ZNF85: variants seen among roughly 807,000 people sequenced by gnomAD.
ZNF85 encodes zinc finger protein 85 (HPF4, HTF1).
A neutral mutation model predicts 53.9 loss-of-function variants in ZNF85; 50 were observed. That is an observed-to-expected ratio of 0.93 (90% CI 0.74 to 1.17). The LOEUF is 1.17. ZNF85 is among the 50% of genes most tolerant of loss of function. The probability of loss-of-function intolerance (pLI) is 0.00; values close to 1 mark genes in which losing one functional copy is unlikely to be tolerated. For missense variants in ZNF85, 747 were observed against 688.5 expected (o/e 1.08, Z -0.95); for synonymous variants, 225 against 226.1 (o/e 1.00, Z 0.04).
At chr19:20,937,426 T>G (rs1973186275) in intron 3 of ZNF85, 2 of 449,348 alleles carry the variant, frequency 4.5e-6, no homozygotes, top group African/African-American at 2.0e-5. Context: ...TGCAGAGGAA[T>G]TGTAGCTTGA....
intron 1 of ZNF85, among the ~76,000 whole-genome samples, chr19:20,932,241 GCAAAACATGTCTCAGAT>G (rs1973040486): frequency 6.6e-6 from 1 of 152,132 alleles, no homozygotes; most frequent in Admixed American, 6.5e-5. Context: ...TTTTTTTAAA[GCAAAACATGTCTCAGAT>G]CAAGAGCTGT....
chr19:20,950,135 G>A lies in ZNF85; in HGVS notation c.1621G>A (p.Glu541Lys). The stretch of plus-strand genomic sequence containing the variant: ...TACTGGAGAGAAACCCTACACATGT[G>A]AAGAATGTGGCAAAGCCTTTAACCA... ...IHTGEKPYTC[E>K]ECGKAFNQSS... Residue 541 changes from glutamate (E) to lysine (K), a missense_variant, in exon 4 of 4, where the codon GAA becomes AAA. By Grantham distance (56) the Glu-to-Lys change is moderately conservative. Coordinates refer to ENST00000328178, the MANE Select transcript of ZNF85 (RefSeq NM_003429.5). 1 of 1,613,592 alleles carries A rather than the reference G, an allele frequency of 6.2e-7. No homozygotes were observed. Among genetic ancestry groups the A allele is most frequent in the Non-Finnish European group, 8.5e-7 (1 of 1,179,834 alleles).
intron 3 of ZNF85, among the ~76,000 whole-genome samples, chr19:20,947,029 T>C (rs998282150): frequency 1.3e-5 from 2 of 151,958 alleles, no homozygotes; most frequent in African/African-American, 4.8e-5. Context: ...TCTCTCTTTC[T>C]TTGTGTCATT....
chr19:20,936,920 CTA>C (rs1568549744), intron 3 of ZNF85: 1 of 153,478 alleles, frequency 6.5e-6, no homozygotes, highest in Non-Finnish European at 1.4e-5. Context: ...AAAGGAACCT[CTA>C]TTTCACATTT....
chr19:20,932,772 A>G (rs1349961795), intron 1 of ZNF85, among the ~76,000 whole-genome samples: 1 of 152,196 alleles, frequency 6.6e-6, no homozygotes, highest in Non-Finnish European at 1.5e-5. Context: ...TAGACAGGGA[A>G]GATATCTGTA....
rs1169591328 is a variant in ZNF85, at chr19:20,949,478, G to T, written c.964G>T (p.Ala322Ser). The change falls in exon 4 of 4, where the codon GCC (alanine) becomes TCC (serine). Residue 322 changes from alanine (A) to serine (S), a missense_variant. Transcript: ENST00000328178. The stretch of plus-strand genomic sequence containing the variant: ...TTACAAATGTGAAGAATGTGGCAAA[G>T]CCTTTAAGCAGTCCTCAAACCTTAC... ...KPYKCEECGKAFKQSSNLTTH... is the reference protein window; with the variant it reads ...KPYKCEECGKSFKQSSNLTTH... 1 of 1,613,364 alleles carries T rather than the reference G, an allele frequency of 6.2e-7. No homozygotes were observed. The highest frequency in any genetic ancestry group is 1.3e-5 in the African/African-American group (1 of 74,928).
At chr19:20,931,881 A>G (rs1973031197) in intron 1 of ZNF85, among the ~76,000 whole-genome samples, 1 of 152,132 alleles carries the variant, frequency 6.6e-6, no homozygotes, top group Non-Finnish European at 1.5e-5. Flanking sequence ...TACTGGGATT[A>G]TAGGCGTGAG....
At chr19:20,923,881 A>C (rs1972818861) in intron 1 of ZNF85, among the ~76,000 whole-genome samples, 1 of 152,144 alleles carries the variant, frequency 6.6e-6, no homozygotes, top group Admixed American at 6.5e-5. Flanking sequence ...CAGGAGTTCA[A>C]GACCATCCTG....
intron 3 of ZNF85, 38 bp from the exon 4 acceptor site, chr19:20,948,706 T>A: frequency 7.1e-7 from 1 of 1,415,754 alleles, no homozygotes; most frequent in Non-Finnish European, 9.5e-7. Context: ...CATCTAAGTC[T>A]AGCAAGTGGA....
rs147759957 is a variant in ZNF85, at chr19:20,949,392, A to G, written c.878A>G (p.Lys293Arg). Residue 293 changes from lysine (K) to arginine (R), a missense_variant, in exon 4 of 4, where the codon AAA becomes AGA. Transcript: ENST00000328178. ...EKPYKCKECG[K>R]AFNRSSTLTT... ...CCCTACAAATGTAAAGAATGTGGTA[A>G]AGCTTTTAACCGATCTTCAACCCTT... is the stretch of plus-strand genomic sequence containing the variant. The G allele has an allele frequency of 3.5e-4, 560 of 1,609,428 alleles. 6 individuals are homozygous for G. In the Admixed American group the frequency reaches 4.0e-3, roughly 12 times the overall value.
At chr19:20,945,734 C>T (rs571653154) in intron 3 of ZNF85, 1 of 152,362 alleles carries the variant, frequency 6.6e-6, no homozygotes, top group African/African-American at 2.4e-5. Flanking sequence ...ATCCACCCGC[C>T]TTGGCCTTCC....
intron 3 of ZNF85, chr19:20,946,518 T>A (rs2144667897): frequency 4.5e-6 from 1 of 224,004 alleles, no homozygotes; most frequent in East Asian, 1.3e-4. Context: ...TTTCATCGAT[T>A]CTGTCAATAT....
chr19:20,924,500 T>C (rs1454860682), intron 1 of ZNF85, among the ~76,000 whole-genome samples: 1 of 152,170 alleles, frequency 6.6e-6, no homozygotes, highest in African/African-American at 2.4e-5. Flanking sequence ...ACAGGGGACT[T>C]CTTTTCCCCT....
intron 3 of ZNF85, among the ~76,000 whole-genome samples, chr19:20,947,231 T>C (rs988919399): frequency 6.6e-5 from 10 of 151,760 alleles, no homozygotes; most frequent in Admixed American, 4.6e-4. Context: ...ACTTTCTTAT[T>C]GATGTTGCTA....
rs554771694 is a variant in ZNF85, at chr19:20,931,026, C to T, written c.4-2998C>T. Among the ~76,000 whole-genome samples the T allele has an allele frequency of 9.2e-5, 14 of 152,260 alleles. No individual in the cohort carries two copies. The East Asian group carries it at 1.9e-3, about 21-fold the overall frequency. ...CCGACCTCTGGTGATCCACCTGCCT[C>T]GGCCTCCCAAAGTGCTGAAATTACA... On this transcript the variant is annotated intron_variant, in intron 1 of 3. Coordinates refer to ENST00000328178, the MANE Select transcript of ZNF85 (RefSeq NM_003429.5).
rs57832039 is a variant in ZNF85, at chr19:20,930,120, CAAAAA to C, written c.4-3886_4-3882del. ...TGGGTGACAGAGCAAGACTCCGTCC[CAAAAA>C]AAAAAAAAAAAAAAAAAGAAATCAG... On this transcript the variant is annotated intron_variant, in intron 1 of 3. Transcript: ENST00000328178. Among the ~76,000 whole-genome samples the C allele has an allele frequency of 5.7e-4, 45 of 79,274 alleles. 1 individual carries two copies. The highest frequency in any genetic ancestry group is 1.9e-3 in the Admixed American group (10 of 5,344). The allele number at this position is 79,274 out of a possible 152,430, so 52.0% of individuals were successfully genotyped here. A position where few individuals can be genotyped will look rare whatever the true frequency, so the allele number is the denominator to read the frequency against.
At chr19:20,938,860 GTGTGTGTGTGTGTGTGTATATATA>G (rs1248768095) in intron 3 of ZNF85, among the ~76,000 whole-genome samples, 3 of 118,620 alleles carry the variant, frequency 2.5e-5, no homozygotes, top group Admixed American at 7.8e-5. Flanking sequence ...ATGTGTGTGT[GTGTGTGTGTGTGTGTGTATATATA>G]TGTGTGTGTG....
chr19:20,929,945 C>A (rs1222821177), intron 1 of ZNF85, among the ~76,000 whole-genome samples: 1 of 151,844 alleles, frequency 6.6e-6, no homozygotes, highest in Non-Finnish European at 1.5e-5. Flanking sequence ...ATGGTGAAAC[C>A]CCATCCCTAC....
intron 3 of ZNF85, among the ~76,000 whole-genome samples, chr19:20,938,850 A>ATGTGTGTG (rs145473574): frequency 7.1e-6 from 1 of 140,986 alleles, no homozygotes; most frequent in African/African-American, 2.6e-5. Flanking sequence ...ATTCTGCTAT[A>ATGTGTGTG]TGTGTGTGTG....
Sources: allele counts gnomAD v4.1 joint callset (sites outside exome capture counted in the v4.1 genomes callset), GRCh38; gene constraint gnomAD v4.1.1; transcripts MANE v1.5; gene names NCBI Gene and HGNC (gene_info 2026-07-23, HGNC 2026-07-21).